CLCN5: variants seen among roughly 807,000 people sequenced by gnomAD.
CLCN5 encodes H(+)/Cl(-) exchange transporter 5.
CLCN5 carries 17 observed loss-of-function variants against 54.0 expected under a neutral mutation model. That is an observed-to-expected ratio of 0.31 (90% CI 0.22 to 0.47). The LOEUF (loss-of-function observed/expected upper bound fraction) is 0.47, where lower values mean the gene tolerates loss of function less well. CLCN5 is among the 20% of genes least tolerant of loss of function. CLCN5 has a pLI of 1.00. For synonymous variants in CLCN5, 222 were observed against 233.0 expected, an observed-to-expected ratio of 0.95 and a Z score of 0.43; for missense variants, 448 against 646.7, an observed-to-expected ratio of 0.69 and a Z score of 3.33.
At chrX:50,011,305 T>C (rs1436149616) in intron 3 of CLCN5, among the ~76,000 whole-genome samples, 1 of 112,300 alleles carries the variant, frequency 8.9e-6, no homozygotes, top group Non-Finnish European at 1.9e-5. Context: ...ATTATGTTCA[T>C]CACCAAGGAT....
chrX:50,081,086 G>C (rs1351940083), intron 8 of CLCN5, among the ~76,000 whole-genome samples: 3 of 111,923 alleles, frequency 2.7e-5, no homozygotes, highest in South Asian at 3.8e-4. Flanking sequence ...ATATGATTTA[G>C]GCTACATGGG....
intron 4 of CLCN5, among the ~76,000 whole-genome samples, chrX:50,049,500 C>T (rs1042731718): frequency 2.7e-5 from 3 of 112,050 alleles, no homozygotes; most frequent in Admixed American, 9.4e-5. Flanking sequence ...GAATTGTTAA[C>T]CCATACCCTC....
At chrX:49,961,943 T>C (rs1376833464) in intron 3 of CLCN5, among the ~76,000 whole-genome samples, 1 of 112,118 alleles carries the variant, frequency 8.9e-6, no homozygotes, top group Non-Finnish European at 1.9e-5. Context: ...CTACATCCTA[T>C]TATTTGACAT....
At chrX:50,035,693 T>C (rs1319985424) in intron 3 of CLCN5, among the ~76,000 whole-genome samples, 1 of 111,869 alleles carries the variant, frequency 8.9e-6, no homozygotes, top group African/African-American at 3.2e-5. Context: ...CTAGGTAGGG[T>C]ATAACAAATT....
chrX:50,013,277 G>T (rs1247999576), intron 3 of CLCN5: 1 of 361,732 alleles, frequency 2.8e-6, no homozygotes, highest in East Asian at 8.2e-5. Flanking sequence ...TATCGGAGTT[G>T]TGAATTCTCA....
At chrX:50,007,722 A>T (rs1271969705) in intron 3 of CLCN5, among the ~76,000 whole-genome samples, 2 of 111,430 alleles carry the variant, frequency 1.8e-5, no homozygotes, top group Non-Finnish European at 3.8e-5. Context: ...TCAAACACAT[A>T]TATACATAAA....
chrX:49,970,808 C>A (rs1449675680), intron 3 of CLCN5, among the ~76,000 whole-genome samples: 2 of 111,455 alleles, frequency 1.8e-5, no homozygotes, highest in Non-Finnish European at 3.8e-5. Flanking sequence ...TATGATAACT[C>A]TGTGTTTAGT....
chrX:49,926,808 G>A (rs1925366685), intron 3 of CLCN5, among the ~76,000 whole-genome samples: 1 of 112,271 alleles, frequency 8.9e-6, no homozygotes, highest in Admixed American at 9.4e-5. Flanking sequence ...CAGCAGTGCT[G>A]AGCTGGAAAT....
intron 3 of CLCN5, among the ~76,000 whole-genome samples, chrX:49,932,771 A>G (rs782357266): frequency 9.8e-5 from 11 of 112,799 alleles, no homozygotes; most frequent in Non-Finnish European, 2.1e-4. Flanking sequence ...AGGTGGCAAA[A>G]TATACGTCAG....
chrX:50,077,719 T>C (rs1310366334), intron 7 of CLCN5, among the ~76,000 whole-genome samples: 1 of 93,328 alleles, frequency 1.1e-5, no homozygotes, highest in African/African-American at 4.2e-5. Flanking sequence ...CGGTGGCCTG[T>C]AATCCCAGCA....
intron 7 of CLCN5, 101 bp from the exon 8 acceptor site, chrX:50,080,493 T>G: frequency 1.4e-6 from 1 of 735,486 alleles, no homozygotes; most frequent in Non-Finnish European, 2.0e-6. Flanking sequence ...GGTTTTTTTT[T>G]TTTTTGGACT....
intron 3 of CLCN5, among the ~76,000 whole-genome samples, chrX:49,940,755 G>C (rs921795076): frequency 3.6e-5 from 4 of 111,658 alleles, no homozygotes; most frequent in Non-Finnish European, 7.5e-5. Context: ...TCACTTGCTC[G>C]TTAGGGCCAC....
At chrX:50,017,031 T>C (rs1930822632) in intron 3 of CLCN5, among the ~76,000 whole-genome samples, 1 of 111,701 alleles carries the variant, frequency 9.0e-6, no homozygotes, top group African/African-American at 3.3e-5. Context: ...CCTCACCCAC[T>C]GAAGGGCAGC....
At chrX:50,013,718 C>T (rs1321917656) in intron 3 of CLCN5, among the ~76,000 whole-genome samples, 3 of 112,327 alleles carry the variant, frequency 2.7e-5, no homozygotes, top group Non-Finnish European at 5.6e-5. Flanking sequence ...TTGATTTTTG[C>T]TTGCCCTCTC....
At chrX:50,030,656 C>T (rs1931653035) in intron 3 of CLCN5, among the ~76,000 whole-genome samples, 1 of 112,153 alleles carries the variant, frequency 8.9e-6, no homozygotes, top group Non-Finnish European at 1.9e-5. Flanking sequence ...AGATATTCTA[C>T]ATCATGTCAA....
chrX:50,034,549 T>C (rs1557186327), intron 3 of CLCN5, among the ~76,000 whole-genome samples: 1 of 111,970 alleles, frequency 8.9e-6, no homozygotes, highest in Non-Finnish European at 1.9e-5. Context: ...TGTTTCTCTG[T>C]GCTTGCTAGC....
rs969468804 is a variant in CLCN5, at chrX:50,095,068, C to T, written c.*2849C>T. On this transcript the variant is annotated 3_prime_UTR_variant, in exon 15 of 15. Coordinates refer to ENST00000376091, the MANE Select transcript of CLCN5 (RefSeq NM_001127898.4). ...GTTTGTGATTTAAAAATTAATGAGT[C>T]GAGATGAGACTATTTTGGTATTAAA... is the stretch of plus-strand genomic sequence containing the variant. 1.8e-5 allele frequency: 2 copies of T among 111,783 alleles called. No homozygotes were observed. Among genetic ancestry groups the T allele is most frequent in the Non-Finnish European group, 3.8e-5 (2 of 53,096 alleles). The allele number at this position is 111,783 out of a possible 1,213,427, so 9.2% of individuals were successfully genotyped here.
In CLCN5 at chrX:50,098,565, T is replaced by A. The variant is rs1002127330; in HGVS notation, c.*6346T>A. On this transcript the variant is annotated 3_prime_UTR_variant, in exon 15 of 15. Coordinates refer to ENST00000376091, the MANE Select transcript of CLCN5 (RefSeq NM_001127898.4). Reference sequence around the variant, plus strand: ...AAACCTGTCTGACTCGACATTTTAATGCCTGAGAGTTGGTGAAAGTTCAGC... The same window carrying A: ...AAACCTGTCTGACTCGACATTTTAAAGCCTGAGAGTTGGTGAAAGTTCAGC... 26 of 113,102 alleles carry A rather than the reference T, an allele frequency of 2.3e-4. No homozygotes were observed. Among genetic ancestry groups the A allele is most frequent in the African/African-American group, 8.0e-4 (25 of 31,127 alleles). The allele number at this position is 113,102 out of a possible 1,213,427, so 9.3% of individuals were successfully genotyped here. A position where few individuals can be genotyped will look rare whatever the true frequency, so the allele number is the denominator to read the frequency against.
chrX:49,991,156 T>C (rs1193602714), intron 3 of CLCN5, among the ~76,000 whole-genome samples: 6 of 112,539 alleles, frequency 5.3e-5, no homozygotes, highest in African/African-American at 1.9e-4. Flanking sequence ...GTGGTTGTAC[T>C]AGTCTACATT....
Sources: allele counts gnomAD v4.1 joint callset (sites outside exome capture counted in the v4.1 genomes callset), GRCh38; gene constraint gnomAD v4.1.1; transcripts MANE v1.5; gene names NCBI Gene and HGNC (gene_info 2026-07-23, HGNC 2026-07-21).